ANK2: variants seen among roughly 807,000 people sequenced by gnomAD.
ANK2 encodes ankyrin 2.
A neutral mutation model predicts 360.5 loss-of-function variants in ANK2; 83 were observed. That is an observed-to-expected ratio of 0.23 (90% CI 0.19 to 0.28). ANK2 has a LOEUF of 0.28. Among genes scored for constraint, ANK2 ranks in the 10% least tolerant of loss-of-function variants. The pLI is 1.00. For missense variants in ANK2, 4,201 were observed against 4,795.7 expected, an observed-to-expected ratio of 0.88 and a Z score of 3.66; for synonymous variants, 1,740 against 1,759.5, an observed-to-expected ratio of 0.99 and a Z score of 0.28.
chr4:112,823,041 C>T (rs886509345), intron 1 of ANK2, among the ~76,000 whole-genome samples: 1 of 152,140 alleles, frequency 6.6e-6, no homozygotes, highest in African/African-American at 2.4e-5. Flanking sequence ...AAGACTCCCG[C>T]GTTATTTGCT....
intron 1 of ANK2, among the ~76,000 whole-genome samples, chr4:112,870,760 T>C (rs2072683556): frequency 6.6e-6 from 1 of 152,232 alleles, no homozygotes; most frequent in Non-Finnish European, 1.5e-5. Context: ...TTCAAGATTA[T>C]TTTAGCTATT....
chr4:113,056,865 T>G (rs1274284540), intron 1 of ANK2, among the ~76,000 whole-genome samples: 1 of 152,228 alleles, frequency 6.6e-6, no homozygotes, highest in Non-Finnish European at 1.5e-5. Context: ...CATGTTTTTC[T>G]GTTAACTCAC....
chr4:113,074,397 G>T (rs929561796), intron 1 of ANK2, among the ~76,000 whole-genome samples: 3 of 152,164 alleles, frequency 2.0e-5, no homozygotes, highest in African/African-American at 7.2e-5. Context: ...AATTGTTCTG[G>T]AGTAAGGTCT....
At chr4:113,122,770 T>G (rs889071511) in intron 1 of ANK2, among the ~76,000 whole-genome samples, 3 of 152,110 alleles carry the variant, frequency 2.0e-5, no homozygotes, top group African/African-American at 7.2e-5. Context: ...AAACCCATTA[T>G]CTTTTTCTTT....
the ANK2 span, among the ~76,000 whole-genome samples, chr4:112,731,293 CAAA>C: frequency 7.5e-3 from 487 of 65,014 alleles, 3 homozygotes; most frequent in African/African-American, 0.029. Flanking sequence ...GATGTAGTCT[CAAA>C]AAAAAAAAAA....
intron 45 of ANK2, among the ~76,000 whole-genome samples, chr4:113,378,689 A>C (rs2097053897): frequency 6.6e-6 from 1 of 152,240 alleles, no homozygotes; most frequent in Non-Finnish European, 1.5e-5. Context: ...AAATATACCT[A>C]GCGATGCTGA....
chr4:112,889,620 C>T (rs1354111862), intron 1 of ANK2, among the ~76,000 whole-genome samples: 4 of 151,218 alleles, frequency 2.6e-5, no homozygotes, highest in Non-Finnish European at 5.9e-5. Context: ...ATTATTTCTA[C>T]TTTACAAATT....
At chr4:112,712,175 C>T in the ANK2 span, among the ~76,000 whole-genome samples, 1 of 149,832 alleles carries the variant, frequency 6.7e-6, no homozygotes, top group Non-Finnish European at 1.5e-5. Context: ...CTCTGCCTCT[C>T]GGGTTCAAGC....
At position 113,227,900 on chromosome 4, in the gene ANK2, A is replaced by G. The variant is rs531917921; in HGVS notation, c.385-4261A>G. Among the ~76,000 whole-genome samples the G allele has an allele frequency of 2.6e-4, 40 of 152,358 alleles. No homozygotes were observed. The South Asian group carries it at 6.2e-3, about 24-fold the overall frequency. On this transcript the variant is annotated intron_variant, in intron 4 of 45. Coordinates refer to ENST00000357077, the MANE Select transcript of ANK2 (RefSeq NM_001148.6). ...TTAATAATTACTTCAGGATACTATG[A>G]TAAACTTGAGCTGTCCCAGACAAAC...
the ANK2 span, among the ~76,000 whole-genome samples, chr4:112,723,151 G>T: frequency 6.6e-6 from 1 of 152,148 alleles, no homozygotes; most frequent in Non-Finnish European, 1.5e-5. Flanking sequence ...TTGAATCATA[G>T]ATCTCACGAA....
intron 1 of ANK2, among the ~76,000 whole-genome samples, chr4:113,096,871 G>C (rs572630572): frequency 9.0e-4 from 136 of 151,942 alleles, no homozygotes; most frequent in Non-Finnish European, 1.6e-3. Context: ...CATTCTACCA[G>C]TCCACACAAT....
At position 113,354,325 on chromosome 4, in the gene ANK2, C is replaced by A. The variant is rs895259414; in HGVS notation, c.5707C>A (p.Pro1903Thr). Residue 1903 changes from proline (P) to threonine (T), a missense_variant, in exon 38 of 46, where the codon CCT becomes ACT. This residue lies in a region of ANK2 where 2,642 missense variants were observed against 2,714.5 expected (regional missense o/e 0.97). Coordinates refer to ENST00000357077, the MANE Select transcript of ANK2 (RefSeq NM_001148.6). ...VSSTKTERHP[P>T]VSPSGKTDKR... ...ATCTACAAAAACAGAAAGACACCCA[C>A]CTGTTTCGCCTTCAGGCAAAACAGA... is the stretch of plus-strand genomic sequence containing the variant. 1 of 1,614,148 alleles carries A rather than the reference C, an allele frequency of 6.2e-7. No homozygotes were observed. The highest frequency in any genetic ancestry group is 1.7e-5 in the Admixed American group (1 of 60,014).
intron 24 of ANK2, among the ~76,000 whole-genome samples, chr4:113,312,534 T>C (rs1050902935): frequency 1.3e-5 from 2 of 152,018 alleles, no homozygotes; most frequent in African/African-American, 4.8e-5. Context: ...CAAGATAGGC[T>C]TGTTAACTTC....
At chr4:113,340,618 C>T (rs1327509011) in intron 32 of ANK2, among the ~76,000 whole-genome samples, 3 of 152,242 alleles carry the variant, frequency 2.0e-5, no homozygotes, top group Middle Eastern at 3.4e-3. Context: ...ATCTCTTGAG[C>T]CCAGAGAGGT....
At chr4:113,028,171 A>G (rs906201404) in intron 2 of ANK2, among the ~76,000 whole-genome samples, 7 of 152,076 alleles carry the variant, frequency 4.6e-5, no homozygotes, top group African/African-American at 1.7e-4. Flanking sequence ...AATAGAGTGC[A>G]GCAAGTGCCA....
chr4:113,112,537 G>A (rs918117077), intron 1 of ANK2, among the ~76,000 whole-genome samples: 1 of 152,166 alleles, frequency 6.6e-6, no homozygotes, highest in Non-Finnish European at 1.5e-5. Flanking sequence ...GCTGCTGCCT[G>A]TAATCCCCAG....
chr4:113,305,143 A>G (rs1317749558), intron 23 of ANK2, among the ~76,000 whole-genome samples: 1 of 151,430 alleles, frequency 6.6e-6, no homozygotes, highest in Admixed American at 6.6e-5. Context: ...GATCGAGACC[A>G]TCCCGGCTAA....
At chr4:113,312,164 C>CA (rs778671220) in intron 24 of ANK2, among the ~76,000 whole-genome samples, 28,999 of 151,200 alleles carry the variant, frequency 0.19, 4,630 homozygotes, top group African/African-American at 0.45. Context: ...GGTGCAGTGG[C>CA]TGGGTGCTGA....
intron 1 of ANK2, among the ~76,000 whole-genome samples, chr4:113,138,762 A>C (rs1207903934): frequency 6.6e-6 from 1 of 152,222 alleles, no homozygotes; most frequent in East Asian, 1.9e-4. Flanking sequence ...CAAAACATTT[A>C]AATCCATGTG....
Sources: gnomAD v4.1 joint callset for allele counts (sites outside exome capture counted in the v4.1 genomes callset) on GRCh38, gnomAD v4.1.1 for gene constraint, gnomAD v4.1.1 regional missense constraint, MANE v1.5 for transcripts, NCBI Gene and HGNC (gene_info 2026-07-23, HGNC 2026-07-21) for gene names.